PIK3C2B: variants seen among roughly 807,000 people sequenced by gnomAD.
The protein encoded by PIK3C2B is phosphatidylinositol-4-phosphate 3-kinase catalytic subunit type 2 beta, also known as phosphatidylinositol 4-phosphate 3-kinase C2 domain-containing subunit beta.
In PIK3C2B, 83 loss-of-function variants were observed where a neutral mutation model predicts 184.3. The ratio of observed to expected loss-of-function variants is 0.45; its 90% CI spans 0.38 to 0.54. PIK3C2B has a LOEUF of 0.54. Among genes scored for constraint, PIK3C2B ranks in the 20% least tolerant of loss-of-function variants. PIK3C2B has a pLI of 0.00. For missense variants in PIK3C2B, 1,736 were observed against 2,113.5 expected, an observed-to-expected ratio of 0.82 and a Z score of 3.50; for synonymous variants, 779 against 837.6, an observed-to-expected ratio of 0.93 and a Z score of 1.21.
chr1:204,430,874 G>A (rs555231342), intron 28 of PIK3C2B, among the ~76,000 whole-genome samples: 4 of 151,680 alleles, frequency 2.6e-5, no homozygotes, highest in East Asian at 1.9e-4. Context: ...GGCTGCTCTC[G>A]AACTCCTGAC....
At chr1:204,483,895 G>T (rs966911499) in intron 1 of PIK3C2B, among the ~76,000 whole-genome samples, 1 of 152,212 alleles carries the variant, frequency 6.6e-6, no homozygotes, top group African/African-American at 2.4e-5. Flanking sequence ...ACAGTCAGAG[G>T]TCATTCTCAG....
In PIK3C2B at chr1:204,446,026, C is replaced by G; in HGVS notation, c.2608G>C (p.Asp870His). ...CACTGCTTCAGGAGAACATAGATGT[C>G]AGGCAGGCAAGCCCACTCCCAGCTG... The part of the protein sequence containing the change: ...APSWEWACLP[D>H]IYVLLKQWTH... Residue 870 changes from aspartate (D) to histidine (H), a missense_variant, in exon 16 of 33, where the codon GAC (aspartate) becomes CAC (histidine). Around this residue, in one of 8 missense-constraint regions of PIK3C2B, gnomAD observed 609 missense variants for 699.2 expected, o/e 0.87. Coordinates refer to ENST00000684373, the MANE Select transcript of PIK3C2B (RefSeq NM_001377334.1). The G allele has an allele frequency of 1.2e-6, 2 of 1,604,456 alleles. No individual in the cohort carries two copies. Among genetic ancestry groups the G allele is most frequent in the Non-Finnish European group, 1.7e-6 (2 of 1,173,446 alleles).
intron 2 of PIK3C2B, among the ~76,000 whole-genome samples, chr1:204,468,211 G>C (rs550773673): frequency 6.6e-6 from 1 of 152,240 alleles, no homozygotes; most frequent in African/African-American, 2.4e-5. Flanking sequence ...TTACGGTGGC[G>C]AATTTTACGT....
Position 204,441,509 on chromosome 1 carries a change from C to T in PIK3C2B, c.3211G>A (p.Val1071Met), listed in dbSNP as rs1174314294. ...AVPLKLSFQN[V>M]DPLGENIRVI... ...CGGATGTTCTCACCCAGGGGATCCA[C>T]ATTTTGGAAGGAGAGTTTGAGGGGG... The change falls in exon 21 of 33, where the codon GTG (valine) becomes ATG (methionine). Residue 1071 changes from valine (V) to methionine (M), a missense_variant. This residue lies in a region of PIK3C2B where 289 missense variants were observed against 380.4 expected (regional missense o/e 0.76). Coordinates refer to ENST00000684373, the MANE Select transcript of PIK3C2B (RefSeq NM_001377334.1). The T allele has an allele frequency of 3.1e-6, 5 of 1,613,310 alleles. No homozygotes were observed. The highest frequency in any genetic ancestry group is 2.2e-5 in the East Asian group (1 of 44,890).
intron 1 of PIK3C2B, among the ~76,000 whole-genome samples, chr1:204,491,149 AG>A (rs1401760098): frequency 6.6e-6 from 1 of 152,068 alleles, no homozygotes; most frequent in Admixed American, 6.6e-5. Context: ...GCCCTTTGGG[AG>A]GCTGAGGCAG....
chr1:204,440,471 T>A, intron 21 of PIK3C2B, 150 bp from the exon 22 acceptor site: 1 of 722,342 alleles, frequency 1.4e-6, no homozygotes, highest in Non-Finnish European at 2.1e-6. Context: ...TCACACCAGG[T>A]CAAAGATGGC....
intron 8 of PIK3C2B, among the ~76,000 whole-genome samples, chr1:204,458,677 A>G (rs973090747): frequency 1.8e-4 from 27 of 152,078 alleles, no homozygotes; most frequent in African/African-American, 6.5e-4. Flanking sequence ...TATTTTTAGT[A>G]GAGATGGGGC....
rs61758015 is a variant in PIK3C2B, at chr1:204,427,504, G to A, written c.4587+144C>T. ...CATGTATTGCCTAGTCATACCATAG[G>A]CTTGCTATGGTTATAGGTCCATGGT... is the stretch of plus-strand genomic sequence containing the variant. On this transcript the variant is annotated intron_variant, in intron 31 of 32. Transcript: ENST00000684373. 1.7e-3 allele frequency: 1,061 copies of A among 614,186 alleles called. 6 individuals carry two copies. Among genetic ancestry groups the A allele is most frequent in the African/African-American group, 0.017 (919 of 54,824 alleles). 38.0% of individuals were successfully genotyped at this position (614,186 alleles called of 1,614,324 possible). A position where few individuals can be genotyped will look rare whatever the true frequency, so the allele number is the denominator to read the frequency against.
intron 28 of PIK3C2B, 159 bp downstream of exon 28, chr1:204,431,510 G>A: frequency 1.2e-6 from 1 of 822,622 alleles, no homozygotes; most frequent in Non-Finnish European, 2.0e-6. Context: ...GCCAGCAGGG[G>A]GAGCACTTGT....
intron 20 of PIK3C2B, 136 bp from the exon 21 acceptor site, chr1:204,441,699 G>C: frequency 1.8e-6 from 1 of 561,450 alleles, no homozygotes; most frequent in South Asian, 2.6e-5. Context: ...TGTTTCTTCC[G>C]GATTTCCCAG....
chr1:204,469,363 A>C lies in PIK3C2B; in HGVS notation c.440T>G (p.Ile147Arg). The C allele has an allele frequency of 6.5e-7, 1 of 1,529,306 alleles. No homozygotes were observed. 94.7% of individuals were successfully genotyped at this position (1,529,306 alleles called of 1,614,324 possible). Residue 147 changes from isoleucine (I) to arginine (R), a missense_variant, in exon 2 of 33, where the codon ATA becomes AGA. Ile to Arg is a moderately conservative substitution (Grantham distance 97). Coordinates refer to ENST00000684373, the MANE Select transcript of PIK3C2B (RefSeq NM_001377334.1). ...GVSSSPGPGDIEGSCKKLSPP... is the reference protein window; with the variant it reads ...GVSSSPGPGDREGSCKKLSPP... ...GGATAGTTTCTTGCAAGAGCCCTCTATGTCCCCTGGTCCTGGGGACGAAGA... is the reference window on the plus strand; with the variant it reads ...GGATAGTTTCTTGCAAGAGCCCTCTCTGTCCCCTGGTCCTGGGGACGAAGA...
rs1653626245 is a variant in PIK3C2B, at chr1:204,444,070, G to A, written c.2865C>T (p.Phe955=). The part of the protein sequence containing the change: ...VSDLRVTHYF[F]WLLKDGLKDS... The stretch of plus-strand genomic sequence containing the variant: ...CACTTTTCTACATGCAGTTTTACCA[G>A]AAGAAGTAGTGAGTCACTCTCAAGT... The change falls in exon 18 of 33, where the codon TTC becomes TTT. Residue 955 remains phenylalanine, a splice_region_variant and synonymous_variant. Coordinates refer to ENST00000684373, the MANE Select transcript of PIK3C2B (RefSeq NM_001377334.1). The A allele has an allele frequency of 6.2e-7, 1 of 1,604,096 alleles. No homozygotes were observed. The highest frequency in any genetic ancestry group is 1.3e-5 in the African/African-American group (1 of 74,702).
chr1:204,488,249 G>C (rs1378816438), intron 1 of PIK3C2B, among the ~76,000 whole-genome samples: 1 of 152,152 alleles, frequency 6.6e-6, no homozygotes, highest in Admixed American at 6.5e-5. Flanking sequence ...GTGAATAAAT[G>C]TAAGAATGAA....
intron 1 of PIK3C2B, among the ~76,000 whole-genome samples, chr1:204,484,666 G>A (rs928664879): frequency 1.3e-5 from 2 of 151,986 alleles, no homozygotes; most frequent in Admixed American, 6.6e-5. Context: ...ACTGGGAGGT[G>A]GAAGTTGCAG....
intron 1 of PIK3C2B, chr1:204,490,109 G>A: frequency 2.5e-6 from 1 of 395,404 alleles, no homozygotes; most frequent in Admixed American, 4.4e-5. Context: ...AGTCATGATG[G>A]AAGGATAACA....
intron 1 of PIK3C2B, among the ~76,000 whole-genome samples, chr1:204,474,564 A>C (rs546581750): frequency 6.6e-6 from 1 of 152,222 alleles, no homozygotes; most frequent in South Asian, 2.1e-4. Context: ...GCTGGCTTTC[A>C]TGAAGATATT....
intron 12 of PIK3C2B, 75 bp downstream of exon 12, chr1:204,454,594 C>A: frequency 6.6e-7 from 1 of 1,510,880 alleles, no homozygotes; most frequent in Non-Finnish European, 9.0e-7. Flanking sequence ...GACTAGTTAT[C>A]TGGCCCCAGG....
rs1178379284 is a variant in PIK3C2B, at chr1:204,464,142, G to A, written c.1190-10C>T. 4 of 1,613,486 alleles carry A rather than the reference G, an allele frequency of 2.5e-6. No homozygotes were observed. The South Asian group carries it at 3.3e-5, about 13-fold the overall frequency. ...TCTACAGTGGAGGAACCTGTGAAGG[G>A]TAAGGTAGGGGGAGCAATCATGATG... On this transcript the variant is annotated splice_polypyrimidine_tract_variant and intron_variant, in intron 4 of 32. Coordinates refer to ENST00000684373, the MANE Select transcript of PIK3C2B (RefSeq NM_001377334.1).
intron 28 of PIK3C2B, 90 bp from the exon 29 acceptor site, chr1:204,430,128 G>A (rs900535423): frequency 2.9e-5 from 23 of 800,978 alleles, no homozygotes; most frequent in Middle Eastern, 2.3e-4. Flanking sequence ...TTTCATTTGC[G>A]TTTCCAGTCC....
Sources: gnomAD v4.1 joint callset for allele counts (sites outside exome capture counted in the v4.1 genomes callset) on GRCh38, gnomAD v4.1.1 for gene constraint, gnomAD v4.1.1 regional missense constraint, MANE v1.5 for transcripts, NCBI Gene and HGNC (gene_info 2026-07-23, HGNC 2026-07-21) for gene names.